Variants in TRAK1 observed in about 807,000 individuals in gnomAD.
TRAK1 encodes the protein trafficking kinesin protein 1, also known as trafficking kinesin-binding protein 1.
Under a neutral mutation model 92.1 loss-of-function variants are expected in TRAK1, and 33 were observed. That is an observed-to-expected ratio of 0.36 (90% CI 0.27 to 0.48). The LOEUF (loss-of-function observed/expected upper bound fraction) is 0.48, where lower values mean the gene tolerates loss of function less well. TRAK1 is among the 20% of genes least tolerant of loss of function. The probability of loss-of-function intolerance (pLI) is 0.99; values close to 1 mark genes in which losing one functional copy is unlikely to be tolerated. For missense variants in TRAK1, 1,123 were observed against 1,257.9 expected (o/e 0.89, Z 1.62); for synonymous variants, 521 against 517.3 (o/e 1.01, Z -0.10).
intron 1 of TRAK1, among the ~76,000 whole-genome samples, chr3:42,020,906 G>A (rs1219523655): frequency 1.3e-5 from 2 of 152,258 alleles, no homozygotes; most frequent in African/African-American, 2.4e-5. Flanking sequence ...GTATCAAGGG[G>A]CATTTTTTAC....
At chr3:42,200,735 G>T (rs753367226) in intron 11 of TRAK1, 83 bp from the exon 12 acceptor site, 6 of 1,428,886 alleles carry the variant, frequency 4.2e-6, no homozygotes, top group Non-Finnish European at 5.9e-6. Context: ...TGCCCTTTTG[G>T]CTCAGTTGAT....
At chr3:42,054,615 A>G (rs1171805057) in intron 1 of TRAK1, among the ~76,000 whole-genome samples, 3 of 152,184 alleles carry the variant, frequency 2.0e-5, no homozygotes, top group Admixed American at 6.5e-5. Context: ...TTCTATAAAA[A>G]CAGCCTTCTC....
intron 14 of TRAK1, chr3:42,218,505 G>T: frequency 1.0e-6 from 1 of 984,768 alleles, no homozygotes; most frequent in Non-Finnish European, 1.2e-6. Flanking sequence ...ATTTCGGGCA[G>T]CATCTTTTTT....
chr3:42,186,961 C>T lies in TRAK1; in HGVS notation c.481-1084C>T, dbSNP rs903355301. On this transcript the variant is annotated intron_variant, in intron 4 of 15. Transcript: ENST00000327628. ...AATTATAAACAAGAAAGAGTTAAAA[C>T]GTAACTGCAATTCTTCTTATAGCAC... 2.9e-4 allele frequency among the ~76,000 whole-genome samples: 44 copies of T among 152,308 alleles called. 1 individual carries two copies. The highest frequency in any genetic ancestry group is 2.4e-3 in the Admixed American group (36 of 15,300).
chr3:42,016,834 A>G (rs1247913113), intron 1 of TRAK1, among the ~76,000 whole-genome samples: 1 of 152,160 alleles, frequency 6.6e-6, no homozygotes, highest in Non-Finnish European at 1.5e-5. Flanking sequence ...ACTCACTGAG[A>G]GTTGCAGATA....
intron 1 of TRAK1, among the ~76,000 whole-genome samples, chr3:42,040,046 AT>A (rs141501174): frequency 4.7e-5 from 7 of 148,288 alleles, no homozygotes; most frequent in South Asian, 2.1e-4. Flanking sequence ...TCCTTTGCCT[AT>A]TTTTTTTTTA....
In TRAK1 at chr3:42,143,488, G is replaced by T. The variant is rs1388049274; in HGVS notation, c.286+17874G>T. Among the ~76,000 whole-genome samples, 5 of 152,070 alleles carry T rather than the reference G, an allele frequency of 3.3e-5. No homozygotes were observed. In the East Asian group the frequency reaches 9.6e-4, roughly 29 times the overall value. On this transcript the variant is annotated intron_variant, in intron 2 of 15. Transcript: ENST00000327628. ...TTAAGCCACTAAGACCCCTTTCCTT[G>T]TCTCCACAATGAGGGAGCCATTAGG... is the stretch of plus-strand genomic sequence containing the variant.
At chr3:42,039,137 T>C (rs1445173813) in intron 1 of TRAK1, among the ~76,000 whole-genome samples, 1 of 152,194 alleles carries the variant, frequency 6.6e-6, no homozygotes, top group African/African-American at 2.4e-5. Context: ...TTTCTGTCCC[T>C]GGATATGCCT....
At chr3:42,123,195 G>C (rs1013460550) in intron 1 of TRAK1, among the ~76,000 whole-genome samples, 2 of 152,162 alleles carry the variant, frequency 1.3e-5, no homozygotes, top group Non-Finnish European at 2.9e-5. Context: ...CTTTTCTCAC[G>C]AATCCGTATT....
chr3:42,153,273 A>G (rs140734154), intron 2 of TRAK1, among the ~76,000 whole-genome samples: 165 of 152,168 alleles, frequency 1.1e-3, no homozygotes, highest in Non-Finnish European at 1.9e-3. Flanking sequence ...ATGTGGTGGC[A>G]TGCGCCTATA....
chr3:42,223,468 A>G lies in TRAK1; in HGVS notation c.2593A>G (p.Thr865Ala). 6.2e-7 allele frequency: 1 copy of G among 1,613,702 alleles called. No individual in the cohort carries two copies. The highest frequency in any genetic ancestry group is 8.5e-7 in the Non-Finnish European group (1 of 1,179,958). The change falls in exon 16 of 16, where the codon ACC (threonine) becomes GCC (alanine). Residue 865 changes from threonine (T) to alanine (A), a missense_variant. Coordinates refer to ENST00000327628, the MANE Select transcript of TRAK1 (RefSeq NM_001042646.3). The surrounding 1 kb of genome is among the most constrained non-coding windows in gnomAD (Gnocchi z 6.1). ...VVNSGRAHVP[T>A]LTEEQGPLLC... ...GAACTCAGGGCGAGCCCATGTCCCCACCTTGACTGAGGAGCAGGGACCCCT... is the reference window on the plus strand; with the variant it reads ...GAACTCAGGGCGAGCCCATGTCCCCGCCTTGACTGAGGAGCAGGGACCCCT...
chr3:42,022,831 G>A (rs1188925841), intron 1 of TRAK1, among the ~76,000 whole-genome samples: 3 of 151,928 alleles, frequency 2.0e-5, no homozygotes, highest in African/African-American at 7.3e-5. Context: ...TGATGGTATA[G>A]TAGAAGTGAT....
intron 14 of TRAK1, among the ~76,000 whole-genome samples, chr3:42,213,692 G>C (rs1456481493): frequency 6.6e-6 from 1 of 152,180 alleles, no homozygotes; most frequent in African/African-American, 2.4e-5. Context: ...CAGAACTGGG[G>C]TTCAGACAGG....
chr3:42,179,532 G>C (rs922055628), intron 3 of TRAK1, among the ~76,000 whole-genome samples: 1 of 152,202 alleles, frequency 6.6e-6, no homozygotes, highest in South Asian at 2.1e-4. Context: ...GTTACAGAGA[G>C]GGTGATTCCA....
At chr3:42,124,696 CACTT>C (rs1378689610) in intron 1 of TRAK1, among the ~76,000 whole-genome samples, 1 of 152,186 alleles carries the variant, frequency 6.6e-6, no homozygotes, top group Non-Finnish European at 1.5e-5. Flanking sequence ...ACCCACAAGA[CACTT>C]AATAAGTGTA....
chr3:42,164,448 A>T (rs1576726625), intron 2 of TRAK1, among the ~76,000 whole-genome samples: 1 of 152,232 alleles, frequency 6.6e-6, no homozygotes, highest in East Asian at 1.9e-4. Context: ...TCATTTTGCA[A>T]GCAAAGCACC....
intron 3 of TRAK1, among the ~76,000 whole-genome samples, chr3:42,183,614 C>T (rs1701418271): frequency 1.3e-5 from 2 of 150,354 alleles, no homozygotes; most frequent in Admixed American, 1.3e-4. Context: ...CCCTGTGAAG[C>T]AAAAGCCGTT....
chr3:42,070,248 AATT>A lies in TRAK1; in HGVS notation c.-518-16850_-518-16848del, dbSNP rs34910940. 3.1e-3 allele frequency among the ~76,000 whole-genome samples: 451 copies of A among 146,282 alleles called. 1 individual carries two copies. The highest frequency in any genetic ancestry group is 0.011 in the Middle Eastern group (3 of 278). On this transcript the variant is annotated intron_variant, in intron 1 of 16. Coordinates refer to the TRAK1 transcript ENST00000487159. ...TATTATAATAATTATGAATAATAAT[AATT>A]ATTATAATTATAATAATTATGAATA...
chr3:42,080,137 G>A (rs6779231), intron 1 of TRAK1, among the ~76,000 whole-genome samples: 106,887 of 152,056 alleles, frequency 0.7, 37,861 homozygotes, highest in South Asian at 0.8. Context: ...CTGAGTCACA[G>A]AAATGACATC....
Sources: allele counts gnomAD v4.1 joint callset (sites outside exome capture counted in the v4.1 genomes callset), GRCh38; gene constraint gnomAD v4.1.1; non-coding constraint Gnocchi (gnomAD v3.1); transcripts MANE v1.5; gene names NCBI Gene and HGNC (gene_info 2026-07-23, HGNC 2026-07-21).